CSMD1: variants seen among roughly 807,000 people sequenced by gnomAD.
CSMD1 encodes the protein CUB and sushi domain-containing protein 1.
Under a neutral mutation model 417.5 loss-of-function variants are expected in CSMD1, and 213 were observed. That is an observed-to-expected ratio of 0.51 (90% CI 0.46 to 0.57). The LOEUF is 0.57. Among genes scored for constraint, CSMD1 ranks in the 20% least tolerant of loss-of-function variants. The probability of loss-of-function intolerance (pLI) is 0.00; values close to 1 mark genes in which losing one functional copy is unlikely to be tolerated. For synonymous variants in CSMD1, 2,862 were observed against 1,736.8 expected, an observed-to-expected ratio of 1.65 and a Z score of -16.11; for missense variants, 6,923 against 4,529.7, an observed-to-expected ratio of 1.53 and a Z score of -15.17.
chr8:3,402,809 A>C (rs1812119680), intron 15 of CSMD1, among the ~76,000 whole-genome samples: 1 of 152,126 alleles, frequency 6.6e-6, no homozygotes, highest in African/African-American at 2.4e-5. Context: ...GAATTTTATT[A>C]ATAGGATCCT....
chr8:3,842,909 T>G (rs1168169350), intron 5 of CSMD1, among the ~76,000 whole-genome samples: 1 of 152,106 alleles, frequency 6.6e-6, no homozygotes, highest in Non-Finnish European at 1.5e-5. Context: ...AATATAAAAT[T>G]TTAAAAACGC....
At chr8:3,087,667 C>A (rs1814641037) in intron 48 of CSMD1, among the ~76,000 whole-genome samples, 1 of 152,186 alleles carries the variant, frequency 6.6e-6, no homozygotes, top group African/African-American at 2.4e-5. Flanking sequence ...GCAGAAAAAT[C>A]TTATAATGTT....
chr8:4,763,318 G>C (rs538621250), intron 1 of CSMD1, among the ~76,000 whole-genome samples: 6 of 152,274 alleles, frequency 3.9e-5, no homozygotes, highest in Admixed American at 6.5e-5. Flanking sequence ...CCTCCTGAAT[G>C]ATCTCATCCC....
intron 12 of CSMD1, among the ~76,000 whole-genome samples, chr8:3,430,611 A>G (rs550415047): frequency 6.6e-6 from 1 of 152,286 alleles, no homozygotes; most frequent in South Asian, 2.1e-4. Context: ...GTTTGAGACC[A>G]GCCTGTCCAA....
intron 1 of CSMD1, among the ~76,000 whole-genome samples, chr8:4,941,800 T>G (rs1469537726): frequency 6.6e-6 from 1 of 152,130 alleles, no homozygotes; most frequent in Non-Finnish European, 1.5e-5. Flanking sequence ...GGTCTCCCCA[T>G]GTTGCCCAGG....
intron 1 of CSMD1, among the ~76,000 whole-genome samples, chr8:4,892,615 CT>C (rs1451084184): frequency 6.6e-6 from 1 of 152,022 alleles, no homozygotes; most frequent in Non-Finnish European, 1.5e-5. Flanking sequence ...TAAAAGTAGT[CT>C]TTCCTTAGAC....
At chr8:3,415,066 T>C (rs1374905315) in intron 12 of CSMD1, among the ~76,000 whole-genome samples, 2 of 152,242 alleles carry the variant, frequency 1.3e-5, no homozygotes, top group Non-Finnish European at 2.9e-5. Context: ...TAAATTATTG[T>C]TCTTATTAAA....
intron 2 of CSMD1, among the ~76,000 whole-genome samples, chr8:4,595,265 A>C (rs774192722): frequency 2.7e-5 from 4 of 150,112 alleles, no homozygotes; most frequent in Admixed American, 6.6e-5. Context: ...CTGAGACAGG[A>C]AGGTATAATA....
chr8:4,595,387 C>CTTTTTTTTTTTTTTTTTTTTTTTTT, intron 2 of CSMD1, among the ~76,000 whole-genome samples: 34 of 147,412 alleles, frequency 2.3e-4, no homozygotes, highest in East Asian at 8.0e-4. Flanking sequence ...CATTCATTTT[C>CTTTTTTTTTTTTTTTTTTTTTTTTT]ATTCCATCCA....
At chr8:3,277,615 G>A (rs1802400437) in intron 26 of CSMD1, among the ~76,000 whole-genome samples, 2 of 152,126 alleles carry the variant, frequency 1.3e-5, no homozygotes, top group African/African-American at 4.8e-5. Context: ...ACCAAAACCG[G>A]GAAGATGTCA....
intron 10 of CSMD1, among the ~76,000 whole-genome samples, chr8:3,526,668 G>A (rs947710460): frequency 6.6e-6 from 1 of 152,190 alleles, no homozygotes; most frequent in South Asian, 2.1e-4. Flanking sequence ...CTATTTGCCC[G>A]GATGCAAAAT....
chr8:4,556,104 A>T (rs965978972), intron 2 of CSMD1, among the ~76,000 whole-genome samples: 3 of 152,180 alleles, frequency 2.0e-5, no homozygotes, highest in Admixed American at 2.0e-4. Context: ...CATCAAATGG[A>T]AAAACAAAAT....
intron 3 of CSMD1, among the ~76,000 whole-genome samples, chr8:4,351,850 C>A (rs1584942796): frequency 6.6e-6 from 1 of 152,096 alleles, no homozygotes; most frequent in East Asian, 1.9e-4. Flanking sequence ...ATGTCCAGGA[C>A]CCTGGTCATT....
At chr8:4,673,876 G>C (rs1006367332) in intron 1 of CSMD1, among the ~76,000 whole-genome samples, 1 of 152,076 alleles carries the variant, frequency 6.6e-6, no homozygotes, top group East Asian at 1.9e-4. Flanking sequence ...TGAGGGGCTG[G>C]GGAATGGTAA....
intron 9 of CSMD1, among the ~76,000 whole-genome samples, chr8:3,584,451 G>C (rs1386548594): frequency 1.3e-5 from 2 of 152,148 alleles, no homozygotes; most frequent in African/African-American, 2.4e-5. Flanking sequence ...CTAAGCGTGA[G>C]TAGCTGGGGG....
intron 3 of CSMD1, among the ~76,000 whole-genome samples, chr8:4,072,006 G>T (rs1436525608): frequency 1.3e-5 from 2 of 152,158 alleles, no homozygotes; most frequent in Non-Finnish European, 2.9e-5. Flanking sequence ...TTTTCTGGTG[G>T]ATGTGGTTTT....
intron 5 of CSMD1, among the ~76,000 whole-genome samples, chr8:3,927,043 G>A (rs151216097): frequency 6.6e-6 from 1 of 151,526 alleles, no homozygotes; most frequent in East Asian, 1.9e-4. Context: ...TACTTTTTGT[G>A]CTTTATGTTT....
chr8:4,111,965 C>T (rs1371712434), intron 3 of CSMD1, among the ~76,000 whole-genome samples: 1 of 151,588 alleles, frequency 6.6e-6, no homozygotes, highest in Admixed American at 6.5e-5. Context: ...TGTAATTTTA[C>T]ATACATAGTT....
At position 3,269,199 on chromosome 8, in the gene CSMD1, A is replaced by C. The variant is rs574692871; in HGVS notation, c.4153+14945T>G. Reference sequence around the variant, plus strand: ...TGGACCAGGTGTCCACGGGACGGAAAGCTGAATGCAGCTGTCTTTGGGCCT... The same window carrying C: ...TGGACCAGGTGTCCACGGGACGGAACGCTGAATGCAGCTGTCTTTGGGCCT... On this transcript the variant is annotated intron_variant, in intron 26 of 69. Transcript: ENST00000635120. Among the ~76,000 whole-genome samples, 8 of 152,378 alleles carry C rather than the reference A, an allele frequency of 5.3e-5. 1 individual carries two copies. Among genetic ancestry groups the C allele is most frequent in the Admixed American group, 5.2e-4 (8 of 15,306 alleles).
Sources: gnomAD v4.1 joint callset for allele counts (sites outside exome capture counted in the v4.1 genomes callset) on GRCh38, gnomAD v4.1.1 for gene constraint, MANE v1.5 for transcripts, NCBI Gene and HGNC (gene_info 2026-07-23, HGNC 2026-07-21) for gene names.